The following SBF2 variants were observed in gnomAD, a reference collection of about 807,000 sequenced individuals.
The protein encoded by SBF2 is SET binding factor 2, also known as myotubularin-related protein 13.
A neutral mutation model predicts 225.2 loss-of-function variants in SBF2; 112 were observed. The observed-to-expected ratio is 0.50, with a 90% confidence interval of 0.43 to 0.58. The LOEUF (loss-of-function observed/expected upper bound fraction) is 0.58. Among genes scored for constraint, SBF2 ranks in the 20% least tolerant of loss-of-function variants. The pLI, the probability that SBF2 is intolerant of heterozygous loss-of-function variation, is 0.00. For synonymous variants in SBF2, 763 were observed against 773.3 expected, an observed-to-expected ratio of 0.99 and a Z score of 0.22; for missense variants, 1,996 against 2,206.2, an observed-to-expected ratio of 0.90 and a Z score of 1.91.
chr11:9,962,148 G>A, intron 15 of SBF2, 42 bp from the exon 16 acceptor site: 1 of 1,583,072 alleles, frequency 6.3e-7, no homozygotes, highest in South Asian at 1.1e-5. Context: ...GGTACCACTG[G>A]GGGAAACAAC....
intron 2 of SBF2, among the ~76,000 whole-genome samples, chr11:10,128,277 C>G (rs1159019890): frequency 1.3e-5 from 2 of 152,200 alleles, no homozygotes; most frequent in Non-Finnish European, 2.9e-5. Flanking sequence ...GTTTTACCTA[C>G]TACCATATAG....
intron 2 of SBF2, among the ~76,000 whole-genome samples, chr11:10,079,897 C>G (rs888829983): frequency 3.9e-5 from 6 of 152,024 alleles, no homozygotes; most frequent in Non-Finnish European, 7.4e-5. Context: ...GTAGACTTCT[C>G]AGCAGAAACC....
intron 2 of SBF2, among the ~76,000 whole-genome samples, chr11:10,132,702 T>C (rs1340082435): frequency 1.3e-5 from 2 of 148,502 alleles, no homozygotes; most frequent in African/African-American, 2.5e-5. Flanking sequence ...AGAACAAAGC[T>C]TCCACAGTGT....
At position 10,196,858 on chromosome 11, in the gene SBF2, A is replaced by T. The variant is rs34661140; in HGVS notation, c.56-2871T>A. On this transcript the variant is annotated intron_variant, in intron 1 of 39. Transcript: ENST00000256190. ...CATAAATATATATATATATATATAT[A>T]TATATATATTTTTTTTTTCCTACAA... is the stretch of plus-strand genomic sequence containing the variant. 3.2e-3 allele frequency among the ~76,000 whole-genome samples: 54 copies of T among 17,096 alleles called. 2 individuals carry two copies. Among genetic ancestry groups the T allele is most frequent in the South Asian group, 0.023 (11 of 480 alleles). The allele number at this position is 17,096 out of a possible 152,430, so 11.2% of individuals were successfully genotyped here. A position where few individuals can be genotyped will look rare whatever the true frequency, so the allele number is the denominator to read the frequency against.
At chr11:9,822,399 T>A (rs759243727) in intron 28 of SBF2, among the ~76,000 whole-genome samples, 15 of 151,996 alleles carry the variant, frequency 9.9e-5, no homozygotes, top group Non-Finnish European at 1.6e-4. Context: ...TAGCTGGGAC[T>A]ACAGGCGCCC....
intron 2 of SBF2, among the ~76,000 whole-genome samples, chr11:10,158,322 TAA>T (rs1490700015): frequency 2.0e-5 from 3 of 151,158 alleles, no homozygotes; most frequent in African/African-American, 7.3e-5. Flanking sequence ...GAAAAGAAAA[TAA>T]TAAAGATTAG....
At chr11:9,801,609 T>G (rs1422512643) in intron 32 of SBF2, among the ~76,000 whole-genome samples, 1 of 152,250 alleles carries the variant, frequency 6.6e-6, no homozygotes, top group Non-Finnish European at 1.5e-5. Flanking sequence ...TAATTTTTGT[T>G]ATTTCACAAA....
At chr11:10,156,600 G>T (rs1022875583) in intron 2 of SBF2, among the ~76,000 whole-genome samples, 2 of 152,146 alleles carry the variant, frequency 1.3e-5, no homozygotes, top group East Asian at 1.9e-4. Context: ...CTTTTTCCAG[G>T]CCTGCCTGTG....
At chr11:10,139,358 G>C (rs1954537028) in intron 2 of SBF2, among the ~76,000 whole-genome samples, 1 of 152,120 alleles carries the variant, frequency 6.6e-6, no homozygotes, top group African/African-American at 2.4e-5. Flanking sequence ...CCATCCAAAA[G>C]CATTTTCTGT....
chr11:10,199,509 A>AAAAC (rs147750401), intron 1 of SBF2, among the ~76,000 whole-genome samples: 14,485 of 152,172 alleles, frequency 0.095, 933 homozygotes, highest in East Asian at 0.28. Flanking sequence ...TCAATTTGTT[A>AAAAC]AAACAAACAA....
chr11:10,185,852 A>G (rs1226044206), intron 2 of SBF2, among the ~76,000 whole-genome samples: 1 of 152,112 alleles, frequency 6.6e-6, no homozygotes, highest in Non-Finnish European at 1.5e-5. Context: ...CCTTTTGCAT[A>G]CAGGTAATTC....
intron 30 of SBF2, among the ~76,000 whole-genome samples, chr11:9,812,253 G>C (rs1854230025): frequency 6.6e-6 from 1 of 152,062 alleles, no homozygotes; most frequent in Admixed American, 6.5e-5. Flanking sequence ...TTACATCAAA[G>C]ATTTCCATCT....
At chr11:9,823,698 T>C (rs1854908471) in intron 28 of SBF2, among the ~76,000 whole-genome samples, 1 of 152,200 alleles carries the variant, frequency 6.6e-6, no homozygotes. Flanking sequence ...TATGTTCACA[T>C]AACAGAGAAT....
rs1383078178 is a variant in SBF2 at position 9,845,597 on chromosome 11, T to A, written c.3078A>T (p.Leu1026Phe). ...AAGTGTTCTTTTCCTTCTGTTTTGG[T>A]AAAATTATTTGTGGGGTAGTTTGTC... is the stretch of plus-strand genomic sequence containing the variant. ...AAGQTTPQII[L>F]PKQKEKNTSF... The change falls in exon 24 of 40, where the codon TTA (leucine) becomes TTT (phenylalanine). Residue 1026 changes from leucine (L) to phenylalanine (F), a missense_variant. By Grantham distance (22) the Leu-to-Phe change is conservative. Coordinates refer to ENST00000256190, the MANE Select transcript of SBF2 (RefSeq NM_030962.4). The A allele has an allele frequency of 1.2e-6, 2 of 1,613,934 alleles. No individual in the cohort carries two copies. The highest frequency in any genetic ancestry group is 4.5e-5 in the East Asian group (2 of 44,870).
At chr11:9,802,117 C>G (rs1020576795) in intron 32 of SBF2, among the ~76,000 whole-genome samples, 2 of 152,146 alleles carry the variant, frequency 1.3e-5, no homozygotes, top group Admixed American at 6.5e-5. Context: ...GCTTTCTTCA[C>G]GTTTTCATTC....
At chr11:9,961,085 T>C (rs943282315) in intron 16 of SBF2, 2 of 152,208 alleles carry the variant, frequency 1.3e-5, no homozygotes, top group East Asian at 1.9e-4. Context: ...AAGGTTCTGA[T>C]AGGAATTGCA....
At chr11:10,255,973 C>T (rs975447534) in intron 1 of SBF2, among the ~76,000 whole-genome samples, 2 of 152,208 alleles carry the variant, frequency 1.3e-5, no homozygotes, top group African/African-American at 2.4e-5. Context: ...TCAGTCAACA[C>T]CATTCACATC....
At chr11:10,066,560 A>G (rs1950631213) in intron 2 of SBF2, among the ~76,000 whole-genome samples, 1 of 152,196 alleles carries the variant, frequency 6.6e-6, no homozygotes, top group African/African-American at 2.4e-5. Context: ...GCATTTGACA[A>G]AAGTGAGCAA....
At chr11:10,198,426 T>C (rs1957455178) in intron 1 of SBF2, among the ~76,000 whole-genome samples, 1 of 152,222 alleles carries the variant, frequency 6.6e-6, no homozygotes, top group African/African-American at 2.4e-5. Flanking sequence ...CAGTAAACCA[T>C]GCTATAAATA....
Sources: gnomAD v4.1 joint callset for allele counts (sites outside exome capture counted in the v4.1 genomes callset) on GRCh38, gnomAD v4.1.1 for gene constraint, MANE v1.5 for transcripts, NCBI Gene and HGNC (gene_info 2026-07-23, HGNC 2026-07-21) for gene names.